Variants in PLAG1 observed in about 807,000 individuals in gnomAD.
PLAG1 encodes zinc finger protein PLAG1.
PLAG1 carries 7 observed loss-of-function variants against 35.5 expected under a neutral mutation model. That is an observed-to-expected ratio of 0.20 (90% CI 0.11 to 0.37). The LOEUF (loss-of-function observed/expected upper bound fraction) is 0.37. Among genes scored for constraint, PLAG1 ranks in the 10% least tolerant of loss-of-function variants. The pLI, the probability that PLAG1 is intolerant of heterozygous loss-of-function variation, is 1.00. For missense variants in PLAG1, 454 were observed against 602.8 expected, an observed-to-expected ratio of 0.75 and a Z score of 2.58; for synonymous variants, 229 against 225.4, an observed-to-expected ratio of 1.02 and a Z score of -0.14.
Position 56,161,495 on chromosome 8 carries a change from A to T in PLAG1, c.*4748T>A. On this transcript the variant is annotated 3_prime_UTR_variant, in exon 5 of 5. Coordinates refer to ENST00000316981, the MANE Select transcript of PLAG1 (RefSeq NM_002655.3). ...AAATTCAAAGGGCTGTTAGTAACAT[A>T]CAGCATGTTCTTCACTCCACACCCT... is the stretch of plus-strand genomic sequence containing the variant. 4.4e-6 allele frequency: 1 copy of T among 226,568 alleles called. No individual in the cohort carries two copies. Among genetic ancestry groups the T allele is most frequent in the Non-Finnish European group, 8.8e-6 (1 of 113,526 alleles). The allele number at this position is 226,568 out of a possible 1,614,324, so 14.0% of individuals were successfully genotyped here. A position where few individuals can be genotyped will look rare whatever the true frequency, so the allele number is the denominator to read the frequency against.
At position 56,164,485 on chromosome 8, in the gene PLAG1, C is replaced by A; in HGVS notation, c.*1758G>T. On this transcript the variant is annotated 3_prime_UTR_variant, in exon 5 of 5. Transcript: ENST00000316981. ...AATTCTTGGTAAACATTGCAATCTG[C>A]AGTGATAACTGGCCCTACAAAAAGG... 1 of 222,704 alleles carries A rather than the reference C, an allele frequency of 4.5e-6. No homozygotes were observed. The highest frequency in any genetic ancestry group is 6.5e-5 in the East Asian group (1 of 15,330). The allele number at this position is 222,704 out of a possible 1,614,324, so 13.8% of individuals were successfully genotyped here.
chr8:56,167,894 A>G lies in PLAG1; in HGVS notation c.242+134T>C. 1.8e-6 allele frequency: 1 copy of G among 570,622 alleles called. No individual in the cohort carries two copies. The highest frequency in any genetic ancestry group is 3.1e-6 in the Non-Finnish European group (1 of 323,106). The allele number at this position is 570,622 out of a possible 1,614,324, so 35.3% of individuals were successfully genotyped here. On this transcript the variant is annotated intron_variant, in intron 4 of 4. Coordinates refer to ENST00000316981, the MANE Select transcript of PLAG1 (RefSeq NM_002655.3). This position sits in a 1 kb window ranked among gnomAD's most constrained non-coding sequence, Gnocchi z 5.9. ...GATTTAGAATACTAAAAACTAAACC[A>G]ATGTCTAATCTACTTAACATTTCCT...
At chr8:56,184,666 A>G (rs1242892865) in intron 1 of PLAG1, among the ~76,000 whole-genome samples, 2 of 152,202 alleles carry the variant, frequency 1.3e-5, no homozygotes. Flanking sequence ...CTGGGAGGCC[A>G]AGGTGAGTGA....
intron 1 of PLAG1, among the ~76,000 whole-genome samples, chr8:56,190,551 C>T (rs910227184): frequency 6.6e-6 from 1 of 152,098 alleles, no homozygotes; most frequent in Non-Finnish European, 1.5e-5. Context: ...AGGAGTGCTG[C>T]ATGAGGAACT....
chr8:56,200,564 G>C (rs1015345450), intron 1 of PLAG1, among the ~76,000 whole-genome samples: 1 of 152,050 alleles, frequency 6.6e-6, no homozygotes, highest in African/African-American at 2.4e-5. Flanking sequence ...AATGCCTTCC[G>C]CAGCACATAG....
rs1001651634 is a variant in PLAG1, at chr8:56,164,501, T to C, written c.*1742A>G. 1 of 223,726 alleles carries C rather than the reference T, an allele frequency of 4.5e-6. No individual in the cohort carries two copies. Among genetic ancestry groups the C allele is most frequent in the Non-Finnish European group, 8.9e-6 (1 of 111,790 alleles). 13.9% of individuals were successfully genotyped at this position (223,726 alleles called of 1,614,324 possible). A position where few individuals can be genotyped will look rare whatever the true frequency, so the allele number is the denominator to read the frequency against. ...TGCAATCTGCAGTGATAACTGGCCC[T>C]ACAAAAAGGAAAGAAGTTTCCATAT... On this transcript the variant is annotated 3_prime_UTR_variant, in exon 5 of 5. Coordinates refer to ENST00000316981, the MANE Select transcript of PLAG1 (RefSeq NM_002655.3).
intron 2 of PLAG1, among the ~76,000 whole-genome samples, chr8:56,172,569 G>T (rs1323848153): frequency 2.6e-5 from 4 of 152,148 alleles, no homozygotes; most frequent in Non-Finnish European, 4.4e-5. Context: ...TGACACGTGT[G>T]GAGTGTTTTC....
rs151081651 is a variant in PLAG1, at chr8:56,165,041, T to C, written c.*1202A>G. 438 of 206,876 alleles carry C rather than the reference T, an allele frequency of 2.1e-3. 2 individuals are homozygous for C. The highest frequency in any genetic ancestry group is 9.5e-3 in the African/African-American group (418 of 44,026). The allele number at this position is 206,876 out of a possible 1,614,324, so 12.8% of individuals were successfully genotyped here. ...ATGGATTCACATTGAATCAGAAAGA[T>C]AACATCGGAGTAGGACTGTTGTTTT... On this transcript the variant is annotated 3_prime_UTR_variant, in exon 5 of 5. Transcript: ENST00000316981.
At chr8:56,183,070 C>A (rs1811919279) in intron 1 of PLAG1, among the ~76,000 whole-genome samples, 1 of 152,112 alleles carries the variant, frequency 6.6e-6, no homozygotes, top group African/African-American at 2.4e-5. Context: ...AAATATTTGC[C>A]TTTAAGAGAA....
intron 1 of PLAG1, among the ~76,000 whole-genome samples, chr8:56,196,853 G>A (rs73682451): frequency 0.14 from 20,724 of 151,698 alleles, 1,696 homozygotes; most frequent in East Asian, 0.36. Context: ...GATGCGTGGG[G>A]GTGTGCATGT....
At chr8:56,193,788 C>T (rs1296000382) in intron 1 of PLAG1, among the ~76,000 whole-genome samples, 1 of 151,346 alleles carries the variant, frequency 6.6e-6, no homozygotes, top group Non-Finnish European at 1.5e-5. Flanking sequence ...AGCTCCGCCT[C>T]CCGGGTTCAC....
chr8:56,197,025 A>C (rs1585818199), intron 1 of PLAG1, among the ~76,000 whole-genome samples: 5 of 138,568 alleles, frequency 3.6e-5, no homozygotes, highest in African/African-American at 8.3e-5. Context: ...ATGTTTGTGG[A>C]TCTCTGGGGC....
At chr8:56,202,744 C>G (rs918111338) in intron 1 of PLAG1, among the ~76,000 whole-genome samples, 3 of 151,954 alleles carry the variant, frequency 2.0e-5, no homozygotes, top group Non-Finnish European at 4.4e-5. Flanking sequence ...AAAAGATAAC[C>G]CAGGCTATGA....
chr8:56,178,637 T>C (rs1260231609), intron 2 of PLAG1, among the ~76,000 whole-genome samples: 2 of 152,154 alleles, frequency 1.3e-5, no homozygotes, highest in African/African-American at 2.4e-5. Context: ...CTTTCCCCCA[T>C]CTGCCATCAG....
chr8:56,186,980 TG>T (rs1812038557), intron 1 of PLAG1, among the ~76,000 whole-genome samples: 5 of 152,120 alleles, frequency 3.3e-5, no homozygotes, highest in Admixed American at 3.3e-4. Flanking sequence ...CCTCCCAAAG[TG>T]TTGGGATTAC....
chr8:56,183,615 G>A (rs1490724882), intron 1 of PLAG1, among the ~76,000 whole-genome samples: 1 of 152,142 alleles, frequency 6.6e-6, no homozygotes, highest in Non-Finnish European at 1.5e-5. Context: ...ACAAACAGAA[G>A]ATTAGGAAGA....
intron 2 of PLAG1, chr8:56,171,493 A>G (rs1438177382): frequency 1.3e-5 from 2 of 152,206 alleles, no homozygotes; most frequent in Admixed American, 1.3e-4. Context: ...ACTGAAATGG[A>G]TATTAGGGCT....
intron 1 of PLAG1, among the ~76,000 whole-genome samples, chr8:56,193,140 C>G (rs1192841055): frequency 6.6e-6 from 1 of 151,928 alleles, no homozygotes; most frequent in Non-Finnish European, 1.5e-5. Context: ...GTAATTATAC[C>G]TTTAAAAAGA....
intron 3 of PLAG1, 42 bp downstream of exon 3, chr8:56,171,049 G>T: frequency 2.6e-6 from 1 of 379,688 alleles, no homozygotes; most frequent in Non-Finnish European, 3.6e-6. Flanking sequence ...TACTTTAAAG[G>T]TGCATGCATA....
Sources: gnomAD v4.1 joint callset for allele counts (sites outside exome capture counted in the v4.1 genomes callset) on GRCh38, gnomAD v4.1.1 for gene constraint, Gnocchi (gnomAD v3.1) non-coding constraint, MANE v1.5 for transcripts, NCBI Gene and HGNC (gene_info 2026-07-23, HGNC 2026-07-21) for gene names.